UBC: variants seen among roughly 807,000 people sequenced by gnomAD.
The protein encoded by UBC is ubiquitin C.
In UBC, 8 loss-of-function variants were observed where a neutral mutation model predicts 34.7. The ratio of observed to expected loss-of-function variants is 0.23; its 90% CI spans 0.14 to 0.42. The LOEUF (loss-of-function observed/expected upper bound fraction) is 0.42, where lower values mean the gene tolerates loss of function less well. Among genes scored for constraint, UBC ranks in the 10% least tolerant of loss-of-function variants. The pLI is 1.00. For synonymous variants in UBC, 367 were observed against 299.8 expected (o/e 1.22, Z -2.32); for missense variants, 323 against 750.3 (o/e 0.43, Z 6.65).
chr12:124,911,788 G>A lies in UBC; in HGVS notation c.1984C>T (p.Arg662Cys), dbSNP rs768122759. ...IFAGKQLEDG[R>C]TLSDYNIQKE... ...TGGATGTTGTAGTCAGACAGGGTGC[G>A]TCCATCTTCCAGCTGTTTCCCAGCA... Residue 662 changes from arginine (R) to cysteine (C), a missense_variant, in exon 2 of 2, where the codon CGC becomes TGC. Arg to Cys is a radical substitution (Grantham distance 180). Around this residue, in one of 5 missense-constraint regions of UBC, gnomAD observed 49 missense variants for 112.6 expected, o/e 0.44. Transcript: ENST00000339647. The A allele has an allele frequency of 2.5e-6, 4 of 1,613,804 alleles. No homozygotes were observed. Among genetic ancestry groups the A allele is most frequent in the East Asian group, 2.2e-5 (1 of 44,898 alleles).
In UBC at chr12:124,913,461, G is replaced by T. The variant is rs750115196; in HGVS notation, c.311C>A (p.Ala104Glu). 1.2e-6 allele frequency: 2 copies of T among 1,611,152 alleles called. No individual in the cohort carries two copies. The highest frequency in any genetic ancestry group is 2.2e-5 in the East Asian group (1 of 44,778). ...AATGCCTTCCTTGTCCTGGATCTTT[G>T]CTTTGACGTTCTCGATGGTGTCACT... Reference protein sequence around the residue: ...EPSDTIENVKAKIQDKEGIPP... With the variant: ...EPSDTIENVKEKIQDKEGIPP... Residue 104 changes from alanine (A) to glutamate (E), a missense_variant, in exon 2 of 2, where the codon GCA (alanine) becomes GAA (glutamate). Transcript: ENST00000339647.
rs764685603 is a variant in UBC at position 124,912,803 on chromosome 12, C to T, written c.969G>A (p.Pro323=). 19 of 1,597,716 alleles carry T rather than the reference C, an allele frequency of 1.2e-5. No homozygotes were observed. Among genetic ancestry groups the T allele is most frequent in the Non-Finnish European group, 1.5e-5 (18 of 1,174,572 alleles). ...CCTTGACATTCTCAATGGTGTCACT[C>T]GGCTCCACTTCGAGAGTGATGGTCT... is the stretch of plus-strand genomic sequence containing the variant. ...TGKTITLEVE[P]SDTIENVKAK... is the part of the protein sequence containing the mutation. The change falls in exon 2 of 2, where the codon CCG becomes CCA. Residue 323 remains proline (P), a synonymous_variant. Transcript: ENST00000339647.
Position 124,913,486 on chromosome 12 carries a change from T to G in UBC, c.286A>C (p.Ser96Arg). The change falls in exon 2 of 2, where the codon AGT (serine) becomes CGT (arginine). Residue 96 changes from serine to arginine, a missense_variant. Ser to Arg is a moderately radical substitution (Grantham distance 110). Coordinates refer to ENST00000339647, the MANE Select transcript of UBC (RefSeq NM_021009.7). ...GKTITLEVEP[S>R]DTIENVKAKI... ...GCTTTGACGTTCTCGATGGTGTCAC[T>G]GGGCTCGACCTCAAGGGTGATGGTC... The G allele has an allele frequency of 2.5e-6, 4 of 1,611,738 alleles. No individual in the cohort carries two copies. Among genetic ancestry groups the G allele is most frequent in the Non-Finnish European group, 3.4e-6 (4 of 1,179,114 alleles).
At chr12:124,914,097 C>A (rs1454845405) in intron 1 of UBC, 1 of 375,474 alleles carries the variant, frequency 2.7e-6, no homozygotes, top group Admixed American at 4.4e-5. Context: ...CACCTACCGG[C>A]AGGTGGCCCC....
rs1297418442 is a variant in UBC at position 124,913,940 on chromosome 12, A to C, written c.-3-166T>G. On this transcript the variant is annotated intron_variant, in intron 1 of 1. Transcript: ENST00000339647. ...ATAGTTCAAAACCGGAGCTTCAGCTACTTAAGAAGATAGGTACATAAAACC... is the reference window on the plus strand; with the variant it reads ...ATAGTTCAAAACCGGAGCTTCAGCTCCTTAAGAAGATAGGTACATAAAACC... 3 of 1,068,782 alleles carry C rather than the reference A, an allele frequency of 2.8e-6. No homozygotes were observed. The African/African-American group carries it at 4.8e-5, about 17-fold the overall frequency. 66.2% of individuals were successfully genotyped at this position (1,068,782 alleles called of 1,614,324 possible). A position where few individuals can be genotyped will look rare whatever the true frequency, so the allele number is the denominator to read the frequency against.
chr12:124,913,973 G>C (rs149861231), intron 1 of UBC, 199 bp from the exon 2 acceptor site: 4 of 767,948 alleles, frequency 5.2e-6, no homozygotes, highest in Non-Finnish European at 8.1e-6. Flanking sequence ...ACCGACCAGA[G>C]AAACTGACGC....
rs1388925434 is a variant in UBC, at chr12:124,912,692, C to G, written c.1080G>C (p.Leu360=). The G allele has an allele frequency of 6.2e-7, 1 of 1,610,928 alleles. No homozygotes were observed. The highest frequency in any genetic ancestry group is 8.5e-7 in the Non-Finnish European group (1 of 1,179,178). Residue 360 remains leucine (L), a synonymous_variant, in exon 2 of 2, where the codon CTG becomes CTC. Transcript: ENST00000339647. The part of the protein sequence containing the change: ...AGKQLEDGRT[L]SDYNIQKEST... ...ACTCTTTCTGGATGTTGTAGTCAGA[C>G]AGGGTACGACCATCTTCCAGCTGTT...
intron 1 of UBC, 130 bp downstream of exon 1, chr12:124,914,456 AC>A: frequency 6.5e-6 from 1 of 154,008 alleles, no homozygotes; most frequent in Non-Finnish European, 1.4e-5. Context: ...GCTCCCCCCA[AC>A]CCCCAGTTCA....
At chr12:124,913,929 G>A (rs1484853873) in intron 1 of UBC, 155 bp from the exon 2 acceptor site, 6 of 1,174,528 alleles carry the variant, frequency 5.1e-6, no homozygotes, top group Non-Finnish European at 7.1e-6. Flanking sequence ...TTCAAAACCG[G>A]AGCTTCAGCT....
rs1384073564 is a variant in UBC, at chr12:124,913,074, A to G, written c.698T>C (p.Val233Ala). 1 of 1,609,160 alleles carries G rather than the reference A, an allele frequency of 6.2e-7. No individual in the cohort carries two copies. Among genetic ancestry groups the G allele is most frequent in the Non-Finnish European group, 8.5e-7 (1 of 1,178,236 alleles). ...GATGGTCTTGCCAGTGAGTGTCTTCACGAAGATTTGCATCCCACCTCTGAG... is the reference window on the plus strand; with the variant it reads ...GATGGTCTTGCCAGTGAGTGTCTTCGCGAAGATTTGCATCCCACCTCTGAG... ...LRLRGGMQIFVKTLTGKTITL... is the reference protein window; with the variant it reads ...LRLRGGMQIFAKTLTGKTITL... Residue 233 changes from valine to alanine, a missense_variant, in exon 2 of 2, where the codon GTG becomes GCG. This residue lies in a region of UBC where 202 missense variants were observed against 361.9 expected (regional missense o/e 0.56). Transcript: ENST00000339647.
intron 1 of UBC, chr12:124,914,090 C>A: frequency 2.5e-6 from 1 of 393,774 alleles, no homozygotes; most frequent in Non-Finnish European, 4.6e-6. Flanking sequence ...TACCGCACAC[C>A]TACCGGCAGG....
In UBC at chr12:124,912,520, G is replaced by A; in HGVS notation, c.1252C>T (p.Pro418Ser). Residue 418 changes from proline to serine, a missense_variant, in exon 2 of 2, where the codon CCT (proline) becomes TCT (serine). This residue lies in a region of UBC where 6 missense variants were observed against 133.6 expected (regional missense o/e 0.04). Coordinates refer to ENST00000339647, the MANE Select transcript of UBC (RefSeq NM_021009.7). The part of the protein sequence containing the change: ...AKIQDKEGIP[P>S]DQQRLIFAGK... ...GCAAAGATCAACCTCTGCTGGTCAG[G>A]AGGGATGCCTTCCTTGTCTTGGATC... The A allele has an allele frequency of 6.9e-7, 1 of 1,447,402 alleles. No homozygotes were observed. The highest frequency in any genetic ancestry group is 9.3e-7 in the Non-Finnish European group (1 of 1,080,288). The allele number at this position is 1,447,402 out of a possible 1,614,324, so 89.7% of individuals were successfully genotyped here. A position where few individuals can be genotyped will look rare whatever the true frequency, so the allele number is the denominator to read the frequency against.
chr12:124,912,173 C>T lies in UBC; in HGVS notation c.1599G>A (p.Met533Ile). The part of the protein sequence containing the change: ...LHLVLRLRGG[M>I]QIFVKTLTGK... Reference sequence around the variant, plus strand: ...CAGTCAGGGTCTTCACGAAGATCTGCATCCCACCTCTAAGACGGAGCACCA... The same window carrying T: ...CAGTCAGGGTCTTCACGAAGATCTGTATCCCACCTCTAAGACGGAGCACCA... The change falls in exon 2 of 2, where the codon ATG becomes ATA. Residue 533 changes from methionine (M) to isoleucine (I), a missense_variant. Physicochemically the swap from Met to Ile is conservative, Grantham distance 10. Around this residue, in one of 5 missense-constraint regions of UBC, gnomAD observed 6 missense variants for 133.6 expected, o/e 0.04. Transcript: ENST00000339647. 1 of 638,006 alleles carries T rather than the reference C, an allele frequency of 1.6e-6. No individual in the cohort carries two copies. Among genetic ancestry groups the T allele is most frequent in the East Asian group, 5.0e-5 (1 of 20,042 alleles). 39.5% of individuals were successfully genotyped at this position (638,006 alleles called of 1,614,324 possible).
In UBC at chr12:124,913,163, T is replaced by G; in HGVS notation, c.609A>C (p.Glu203Asp). ...TGTAGTCAGACAGGGTACGACCATC[T>G]TCCAGCTGTTTTCCGGCAAAGATCA... ...QRLIFAGKQLEDGRTLSDYNI... is the reference protein window; with the variant it reads ...QRLIFAGKQLDDGRTLSDYNI... The change falls in exon 2 of 2, where the codon GAA becomes GAC. Residue 203 changes from glutamate (E) to aspartate (D), a missense_variant. Glu to Asp is a conservative substitution (Grantham distance 45, BLOSUM62 2). Coordinates refer to ENST00000339647, the MANE Select transcript of UBC (RefSeq NM_021009.7). The G allele has an allele frequency of 5.6e-6, 9 of 1,610,916 alleles. 2 individuals carry two copies. Among genetic ancestry groups the G allele is most frequent in the Non-Finnish European group, 7.6e-6 (9 of 1,178,552 alleles).
rs762026730 is a variant in UBC at position 124,911,787 on chromosome 12, C to T, written c.1985G>A (p.Arg662His). 8.7e-6 allele frequency: 14 copies of T among 1,613,788 alleles called. No individual in the cohort carries two copies. The Admixed American group carries it at 1.3e-4, about 15-fold the overall frequency. The change falls in exon 2 of 2, where the codon CGC becomes CAC. Residue 662 changes from arginine (R) to histidine (H), a missense_variant. Physicochemically the swap from Arg to His is conservative, Grantham distance 29. Around this residue, in one of 5 missense-constraint regions of UBC, gnomAD observed 49 missense variants for 112.6 expected, o/e 0.44. Transcript: ENST00000339647. ...IFAGKQLEDG[R>H]TLSDYNIQKE... ...CTGGATGTTGTAGTCAGACAGGGTG[C>T]GTCCATCTTCCAGCTGTTTCCCAGC...
Position 124,911,713 on chromosome 12 carries a change from C to CT in UBC, c.2058dup, listed in dbSNP as rs747399042. 18 of 1,602,964 alleles carry CT rather than the reference C, an allele frequency of 1.1e-5. No homozygotes were observed. In the East Asian group the frequency reaches 2.0e-4, roughly 18 times the overall value. On this transcript the variant is annotated 3_prime_UTR_variant, in exon 2 of 2. Coordinates refer to ENST00000339647, the MANE Select transcript of UBC (RefSeq NM_021009.7). ...TTTGTTGAAACCTTAAAAGGGGAAA[C>CT]TTAGACACCCCCCCTCAAGCGCAGG... is the stretch of plus-strand genomic sequence containing the variant.
rs796920492 is a variant in UBC, at chr12:124,913,043, A to C, written c.729T>G (p.Leu243=). ...VKTLTGKTIT[L]EVEPSDTIEN... The stretch of plus-strand genomic sequence containing the variant: ...CGATAGTGTCACTGGGCTCGACCTC[A>C]AGGGTGATGGTCTTGCCAGTGAGTG... Residue 243 remains leucine (L), a synonymous_variant, in exon 2 of 2, where the codon CTT becomes CTG. Transcript: ENST00000339647. 1.9e-6 allele frequency: 3 copies of C among 1,584,980 alleles called. No homozygotes were observed. The highest frequency in any genetic ancestry group is 1.1e-5 in the South Asian group (1 of 89,918).
At position 124,913,616 on chromosome 12, in the gene UBC, A is replaced by C; in HGVS notation, c.156T>G (p.Asp52Glu). The C allele has an allele frequency of 6.2e-7, 1 of 1,613,188 alleles. No individual in the cohort carries two copies. The highest frequency in any genetic ancestry group is 8.5e-7 in the Non-Finnish European group (1 of 1,179,670). ...RLIFAGKQLE[D>E]GRTLSDYNIQ... ...TGTTGTAGTCAGACAGGGTGCGCCC[A>C]TCTTCCAGCTGTTTTCCAGCAAAGA... Residue 52 changes from aspartate (D) to glutamate (E), a missense_variant, in exon 2 of 2, where the codon GAT becomes GAG. Asp to Glu is a conservative substitution (Grantham distance 45). Coordinates refer to ENST00000339647, the MANE Select transcript of UBC (RefSeq NM_021009.7).
chr12:124,914,272 C>T, intron 1 of UBC: 1 of 183,450 alleles, frequency 5.5e-6, no homozygotes, highest in Non-Finnish European at 1.2e-5. Flanking sequence ...GTCAGGGTCC[C>T]CAGATGGTGC....
Sources: gnomAD v4.1 joint callset for allele counts on GRCh38, gnomAD v4.1.1 for gene constraint, gnomAD v4.1.1 regional missense constraint, MANE v1.5 for transcripts, NCBI Gene and HGNC (gene_info 2026-07-23, HGNC 2026-07-21) for gene names.